The following KMT2C variants were observed in gnomAD, a reference collection of about 807,000 sequenced individuals.
KMT2C encodes the protein lysine methyltransferase 2C.
In KMT2C, 88 loss-of-function variants were observed where a neutral mutation model predicts 507.9. The observed-to-expected ratio is 0.17, with a 90% CI of 0.15 to 0.21. KMT2C has a LOEUF of 0.21. KMT2C is among the 10% of genes least tolerant of loss of function. The pLI, the probability that KMT2C is intolerant of heterozygous loss-of-function variation, is 1.00. For missense variants in KMT2C, 4,954 were observed against 5,957.8 expected (o/e 0.83, Z 5.55); for synonymous variants, 2,049 against 2,080.8 (o/e 0.98, Z 0.42).
At chr7:152,256,481 G>C (rs916075190) in intron 9 of KMT2C, among the ~76,000 whole-genome samples, 2 of 152,126 alleles carry the variant, frequency 1.3e-5, no homozygotes, top group African/African-American at 4.8e-5. Flanking sequence ...AAGACTGCTT[G>C]AGCCCAGGTC....
At chr7:152,351,908 G>T (rs1397712533) in intron 2 of KMT2C, among the ~76,000 whole-genome samples, 1 of 152,150 alleles carries the variant, frequency 6.6e-6, no homozygotes, top group Non-Finnish European at 1.5e-5. Context: ...TGTTTGCAGA[G>T]CATGTGTGTT....
In KMT2C at chr7:152,435,706, C is replaced by T. The variant is rs2097911391; in HGVS notation, c.81G>A (p.Pro27=). Residue 27 remains proline, a synonymous_variant, in exon 1 of 59, where the codon CCG becomes CCA. Transcript: ENST00000262189. The part of the protein sequence containing the change: ...PPPEEPGAPA[P]SPAAADKRPR... ...GTCTTTTGTCTGCGGCTGCGGGGCTCGGGGCCGGGGCTCCAGGCTCCTCGG... is the reference window on the plus strand; with the variant it reads ...GTCTTTTGTCTGCGGCTGCGGGGCTTGGGGCCGGGGCTCCAGGCTCCTCGG... 2 of 1,536,950 alleles carry T rather than the reference C, an allele frequency of 1.3e-6. No individual in the cohort carries two copies. The highest frequency in any genetic ancestry group is 2.4e-5 in the South Asian group (2 of 84,310).
At chr7:152,218,714 C>T (rs1318695363) in intron 23 of KMT2C, among the ~76,000 whole-genome samples, 2 of 152,012 alleles carry the variant, frequency 1.3e-5, no homozygotes, top group Non-Finnish European at 2.9e-5. Flanking sequence ...TATACTGAGC[C>T]GTCCTTCTTG....
At chr7:152,425,297 C>T (rs1327268607) in intron 1 of KMT2C, among the ~76,000 whole-genome samples, 1 of 152,098 alleles carries the variant, frequency 6.6e-6, no homozygotes, top group Non-Finnish European at 1.5e-5. Context: ...CACTTAGGGC[C>T]AGGCACAGTG....
At chr7:152,425,381 G>T (rs887254785) in intron 1 of KMT2C, among the ~76,000 whole-genome samples, 15 of 152,138 alleles carry the variant, frequency 9.9e-5, no homozygotes, top group African/African-American at 3.6e-4. Context: ...TTCGAGACCA[G>T]CCTGGCCAAC....
At chr7:152,423,358 A>C (rs973267373) in intron 1 of KMT2C, among the ~76,000 whole-genome samples, 3 of 152,184 alleles carry the variant, frequency 2.0e-5, no homozygotes, top group Admixed American at 2.0e-4. Context: ...AACAAACTAC[A>C]TTCCCAGCCT....
rs527839705 is a variant in KMT2C, at chr7:152,353,299, C to T, written c.250+5288G>A. 1.5e-3 allele frequency among the ~76,000 whole-genome samples: 223 copies of T among 152,242 alleles called. 1 individual carries two copies. Among genetic ancestry groups the T allele is most frequent in the African/African-American group, 5.1e-3 (210 of 41,546 alleles). On this transcript the variant is annotated intron_variant, in intron 2 of 58. Transcript: ENST00000262189. ...AATTAGCCAGGCATGGTGGCAGGCACCTATAATCCCAGCTACTCGGGAGGC... is the reference window on the plus strand; with the variant it reads ...AATTAGCCAGGCATGGTGGCAGGCATCTATAATCCCAGCTACTCGGGAGGC...
intron 3 of KMT2C, among the ~76,000 whole-genome samples, chr7:152,322,513 C>T (rs1234049288): frequency 1.3e-5 from 2 of 151,986 alleles, no homozygotes; most frequent in East Asian, 1.9e-4. Flanking sequence ...TCCATATGCA[C>T]AAGAATAAAA....
chr7:152,202,612 T>G (rs948893863), intron 26 of KMT2C, among the ~76,000 whole-genome samples: 3 of 152,132 alleles, frequency 2.0e-5, no homozygotes, highest in African/African-American at 4.8e-5. Flanking sequence ...CAACAGAACT[T>G]GGGTGTGGGG....
At chr7:152,311,726 A>G (rs2037267758) in intron 5 of KMT2C, 72 bp downstream of exon 5, 4 of 1,057,310 alleles carry the variant, frequency 3.8e-6, no homozygotes, top group Non-Finnish European at 5.4e-6. Flanking sequence ...ATTATTGAGG[A>G]CATTAATAAT....
intron 6 of KMT2C, among the ~76,000 whole-genome samples, chr7:152,280,397 A>C (rs1333452870): frequency 1.3e-5 from 2 of 152,248 alleles, no homozygotes; most frequent in Non-Finnish European, 2.9e-5. Context: ...AAATAAAAAA[A>C]AAAAATTAGC....
chr7:152,367,667 G>A, intron 1 of KMT2C: 2 of 1,429,500 alleles, frequency 1.4e-6, no homozygotes, highest in Non-Finnish European at 2.0e-6. Flanking sequence ...GTGGTGTTCA[G>A]TTGCTGCTCA....
At chr7:152,153,101 C>G (rs2091771349) in intron 48 of KMT2C, 147 bp from the exon 49 acceptor site, 1 of 1,069,966 alleles carries the variant, frequency 9.3e-7, no homozygotes, top group Non-Finnish European at 1.3e-6. Flanking sequence ...TAAAGAACCT[C>G]AGGAAAAAAA....
In KMT2C at chr7:152,182,213, A is replaced by C; in HGVS notation, c.5647T>G (p.Ser1883Ala). 1 of 1,614,136 alleles carries C rather than the reference A, an allele frequency of 6.2e-7. No individual in the cohort carries two copies. Among genetic ancestry groups the C allele is most frequent in the Non-Finnish European group, 8.5e-7 (1 of 1,180,024 alleles). The change falls in exon 36 of 59, where the codon TCA becomes GCA. Residue 1883 changes from serine to alanine, a missense_variant. Transcript: ENST00000262189. ...TSQPPSPQVF[S>A]PGSSNSRPPS... ...GGTCGTGAGTTAGAGGACCCAGGTG[A>C]AAACACTTGCGGTGAGGGTGGCTGA...
At chr7:152,381,524 T>C (rs996382814) in intron 1 of KMT2C, among the ~76,000 whole-genome samples, 1 of 152,216 alleles carries the variant, frequency 6.6e-6, no homozygotes, top group Non-Finnish European at 1.5e-5. Context: ...CACATTTCTA[T>C]TCCCTCTTCC....
chr7:152,401,757 T>C (rs541333940), intron 1 of KMT2C, among the ~76,000 whole-genome samples: 1 of 152,370 alleles, frequency 6.6e-6, no homozygotes, highest in East Asian at 1.9e-4. Context: ...TTCTCAACCT[T>C]GACAATGTCA....
intron 24 of KMT2C, among the ~76,000 whole-genome samples, chr7:152,206,196 C>G (rs2094304157): frequency 6.6e-6 from 1 of 151,994 alleles, no homozygotes; most frequent in Non-Finnish European, 1.5e-5. Flanking sequence ...ACACTATAAG[C>G]TTTTGTGAAA....
chr7:152,364,934 G>GACACACACACAC (rs71198778), intron 1 of KMT2C, among the ~76,000 whole-genome samples: 59 of 138,164 alleles, frequency 4.3e-4, no homozygotes, highest in African/African-American at 1.4e-3. Flanking sequence ...GAAACAGACA[G>GACACACACACAC]ACACACACAC....
intron 1 of KMT2C, among the ~76,000 whole-genome samples, chr7:152,390,912 C>T (rs201038728): frequency 2.6e-5 from 4 of 151,420 alleles, no homozygotes; most frequent in Admixed American, 6.6e-5. Flanking sequence ...TTTGGGAGGC[C>T]GAGGCAGATG....
Sources: gnomAD v4.1 joint callset for allele counts (sites outside exome capture counted in the v4.1 genomes callset) on GRCh38, gnomAD v4.1.1 for gene constraint, MANE v1.5 for transcripts, NCBI Gene and HGNC (gene_info 2026-07-23, HGNC 2026-07-21) for gene names.